MDM4: variants seen among roughly 807,000 people sequenced by gnomAD.
MDM4 encodes the protein MDM4 regulator of p53.
MDM4 carries 2 observed loss-of-function variants against 60.2 expected under a neutral mutation model. The observed-to-expected ratio is 0.03, with a 90% CI of 0.01 to 0.10. MDM4 has a LOEUF of 0.10. Ranked by LOEUF, MDM4 falls within the 10% of genes least tolerant of loss-of-function variation. MDM4 has a pLI of 1.00. For synonymous variants in MDM4, 202 were observed against 198.1 expected (o/e 1.02, Z -0.17); for missense variants, 447 against 577.5 (o/e 0.77, Z 2.32).
Position 204,546,723 on chromosome 1 carries a change from CT to C in MDM4, c.823-68del, listed in dbSNP as rs1032273951. On this transcript the variant is annotated intron_variant, in intron 9 of 10. Coordinates refer to ENST00000367182, the MANE Select transcript of MDM4 (RefSeq NM_002393.5). Reference sequence around the variant, plus strand: ...GTGAGTTTTAAATTGAAGCAGTTGTCTTTTTTGCTTTCAGTTAATTAGCCTC... The same window carrying C: ...GTGAGTTTTAAATTGAAGCAGTTGTCTTTTTGCTTTCAGTTAATTAGCCTC... 65 of 951,814 alleles carry C rather than the reference CT, an allele frequency of 6.8e-5. No homozygotes were observed. The African/African-American group carries it at 9.9e-4, about 15-fold the overall frequency. The allele number at this position is 951,814 out of a possible 1,614,324, so 59.0% of individuals were successfully genotyped here.
intron 7 of MDM4, among the ~76,000 whole-genome samples, chr1:204,539,102 C>T (rs1486497011): frequency 2.6e-5 from 4 of 152,122 alleles, no homozygotes; most frequent in East Asian, 1.9e-4. Flanking sequence ...CTCCCGACCT[C>T]AGGTGATCTG....
At position 204,542,929 on chromosome 1, in the gene MDM4, T is replaced by G; in HGVS notation, c.657T>G (p.Asp219Glu). ...CACCTAGAAGTAATGGCTCAACTGA[T>G]TTACAGACAAATCAGGTAAATTTCA... is the stretch of plus-strand genomic sequence containing the variant. ...NYTPRSNGST[D>E]LQTNQDVGTA... The change falls in exon 8 of 11, where the codon GAT becomes GAG. Residue 219 changes from aspartate to glutamate, a missense_variant. Physicochemically the swap from Asp to Glu is conservative, Grantham distance 45. This residue lies in a region of MDM4 where 184 missense variants were observed against 179.3 expected (regional missense o/e 1.03). Transcript: ENST00000367182. 6.2e-7 allele frequency: 1 copy of G among 1,606,034 alleles called. No homozygotes were observed. Among genetic ancestry groups the G allele is most frequent in the Non-Finnish European group, 8.5e-7 (1 of 1,177,800 alleles).
At chr1:204,522,635 C>G (rs907574096) in intron 1 of MDM4, among the ~76,000 whole-genome samples, 2 of 152,002 alleles carry the variant, frequency 1.3e-5, no homozygotes, top group Non-Finnish European at 2.9e-5. Context: ...ACCTCATGAT[C>G]TGCCTGCCTC....
In MDM4 at chr1:204,534,786, G is replaced by C. The variant is rs149136739; in HGVS notation, c.343+2540G>C. Among the ~76,000 whole-genome samples the C allele has an allele frequency of 5.1e-3, 772 of 151,950 alleles. 6 individuals are homozygous for C. The highest frequency in any genetic ancestry group is 0.018 in the African/African-American group (730 of 41,434). ...GGATGACAGGCGTGAGCCACCATGCGTGGCCCATTTTTATTTTTTAACTTG... is the reference window on the plus strand; with the variant it reads ...GGATGACAGGCGTGAGCCACCATGCCTGGCCCATTTTTATTTTTTAACTTG... On this transcript the variant is annotated intron_variant, in intron 5 of 10. Coordinates refer to ENST00000367182, the MANE Select transcript of MDM4 (RefSeq NM_002393.5).
intron 6 of MDM4, 85 bp downstream of exon 6, chr1:204,537,582 C>T: frequency 1.1e-6 from 1 of 922,970 alleles, no homozygotes; most frequent in South Asian, 1.4e-5. Flanking sequence ...CAAGACCTTT[C>T]CCTGAATGTG....
Position 204,550,324 on chromosome 1 carries a change from T to C in MDM4, c.*642T>C, listed in dbSNP as rs1663084293. The C allele has an allele frequency of 8.9e-6, 2 of 224,710 alleles. No homozygotes were observed. Among genetic ancestry groups the C allele is most frequent in the Non-Finnish European group, 1.8e-5 (2 of 112,718 alleles). 13.9% of individuals were successfully genotyped at this position (224,710 alleles called of 1,614,324 possible). ...GAGTAGCTGAGACTATAGACTAGCA[T>C]AACCACACTGGCTAATTTTTTGTGG... On this transcript the variant is annotated 3_prime_UTR_variant, in exon 11 of 11. Transcript: ENST00000367182.
intron 6 of MDM4, 117 bp from the exon 7 acceptor site, chr1:204,538,091 TC>T: frequency 1.3e-6 from 1 of 769,032 alleles, no homozygotes; most frequent in Non-Finnish European, 2.4e-6. Flanking sequence ...ACTTGAGTTC[TC>T]TTTCTTGTGT....
intron 9 of MDM4, among the ~76,000 whole-genome samples, chr1:204,545,974 AT>A (rs1662617912): frequency 6.6e-6 from 1 of 152,120 alleles, no homozygotes; most frequent in African/African-American, 2.4e-5. Context: ...TAAATTCTAA[AT>A]TTTAAAATTT....
intron 5 of MDM4, among the ~76,000 whole-genome samples, chr1:204,533,632 A>G (rs1661083695): frequency 6.6e-6 from 1 of 152,202 alleles, no homozygotes; most frequent in Non-Finnish European, 1.5e-5. Flanking sequence ...TCCTGGGATT[A>G]TGCGTGTGAA....
At chr1:204,541,151 A>G (rs1268927565) in intron 7 of MDM4, among the ~76,000 whole-genome samples, 1 of 152,118 alleles carries the variant, frequency 6.6e-6, no homozygotes, top group African/African-American at 2.4e-5. Flanking sequence ...ATATAAGAAC[A>G]TGGCTGGGCA....
intron 5 of MDM4, chr1:204,532,469 T>C: frequency 1.8e-6 from 1 of 563,534 alleles, no homozygotes; most frequent in African/African-American, 1.9e-5. Flanking sequence ...CTGTTAACGT[T>C]TTGTCATATT....
At chr1:204,540,157 C>A (rs1572504823) in intron 7 of MDM4, among the ~76,000 whole-genome samples, 1 of 151,754 alleles carries the variant, frequency 6.6e-6, no homozygotes, top group Non-Finnish European at 1.5e-5. Flanking sequence ...TGGTGGCGGG[C>A]GCCCGTAGTC....
chr1:204,529,346 A>T, intron 3 of MDM4: 1 of 810,578 alleles, frequency 1.2e-6, no homozygotes. Context: ...AGTAGGCCTC[A>T]TCCATATTGG....
At chr1:204,537,978 G>T (rs199556695) in intron 6 of MDM4, 3 of 743,858 alleles carry the variant, frequency 4.0e-6, no homozygotes, top group Non-Finnish European at 7.6e-6. Context: ...GTAGATTTTG[G>T]CCTTTGTGCA....
In MDM4 at chr1:204,550,934, A is replaced by G. The variant is rs557846442; in HGVS notation, c.*1252A>G. 10 of 183,360 alleles carry G rather than the reference A, an allele frequency of 5.5e-5. No individual in the cohort carries two copies. In the East Asian group the frequency reaches 8.9e-4, roughly 16 times the overall value. The allele number at this position is 183,360 out of a possible 1,614,324, so 11.4% of individuals were successfully genotyped here. A position where few individuals can be genotyped will look rare whatever the true frequency, so the allele number is the denominator to read the frequency against. On this transcript the variant is annotated 3_prime_UTR_variant, in exon 11 of 11. Coordinates refer to ENST00000367182, the MANE Select transcript of MDM4 (RefSeq NM_002393.5). ...ACTGGCAAAGTCTGTTCTTAATTTA[A>G]TTAGCCAAATCAGACTTAACTTCCG... is the stretch of plus-strand genomic sequence containing the variant.
At chr1:204,518,917 C>T (rs1372480028) in intron 1 of MDM4, among the ~76,000 whole-genome samples, 1 of 152,190 alleles carries the variant, frequency 6.6e-6, no homozygotes, top group Non-Finnish European at 1.5e-5. Flanking sequence ...CTGCCTTGGC[C>T]TCCCAAAGTG....
chr1:204,549,412 T>G lies in MDM4; in HGVS notation c.1203T>G (p.Ser401=), dbSNP rs1468043686. The G allele has an allele frequency of 6.2e-7, 1 of 1,613,584 alleles. No individual in the cohort carries two copies. Among genetic ancestry groups the G allele is most frequent in the Non-Finnish European group, 8.5e-7 (1 of 1,179,932 alleles). Residue 401 remains serine, a synonymous_variant, in exon 11 of 11, where the codon TCT becomes TCG. Coordinates refer to ENST00000367182, the MANE Select transcript of MDM4 (RefSeq NM_002393.5). ...AATTCTTGGATTTGGCTCACAGTTCTGAAAGCCAAGAGACCATCTCAAGCA... is the reference window on the plus strand; with the variant it reads ...AATTCTTGGATTTGGCTCACAGTTCGGAAAGCCAAGAGACCATCTCAAGCA... The part of the protein sequence containing the change: ...SVEFLDLAHS[S]ESQETISSMG...
chr1:204,523,023 C>T lies in MDM4; in HGVS notation c.-35-2461C>T, dbSNP rs182243248. 2.1e-3 allele frequency among the ~76,000 whole-genome samples: 317 copies of T among 151,724 alleles called. 4 individuals carry two copies. The highest frequency in any genetic ancestry group is 3.4e-3 in the Middle Eastern group (1 of 294). On this transcript the variant is annotated intron_variant, in intron 1 of 10. Transcript: ENST00000367182. ...GATTACATGCATGTGCCACCACGCTCGCCTAATTTTTGGAGCTTTAGTAGA... is the reference window on the plus strand; with the variant it reads ...GATTACATGCATGTGCCACCACGCTTGCCTAATTTTTGGAGCTTTAGTAGA...
chr1:204,519,613 A>G (rs915321031), intron 1 of MDM4, among the ~76,000 whole-genome samples: 12 of 149,816 alleles, frequency 8.0e-5, no homozygotes, highest in African/African-American at 3.0e-4. Context: ...GGAGGCTGAA[A>G]AGGATTGCTT....
Sources: gnomAD v4.1 joint callset for allele counts (sites outside exome capture counted in the v4.1 genomes callset) on GRCh38, gnomAD v4.1.1 for gene constraint, gnomAD v4.1.1 regional missense constraint, MANE v1.5 for transcripts, NCBI Gene and HGNC (gene_info 2026-07-23, HGNC 2026-07-21) for gene names.